ADAMTS2: variants seen among roughly 807,000 people sequenced by gnomAD.
The protein encoded by ADAMTS2 is ADAM metallopeptidase with thrombospondin type 1 motif 2, also known as A disintegrin and metalloproteinase with thrombospondin motifs 2.
ADAMTS2 carries 50 observed loss-of-function variants against 123.0 expected under a neutral mutation model. That is an observed-to-expected ratio of 0.41 (90% CI 0.32 to 0.51). ADAMTS2 has a LOEUF of 0.51. Among genes scored for constraint, ADAMTS2 ranks in the 20% least tolerant of loss-of-function variants. The pLI is 0.35. For missense variants in ADAMTS2, 1,494 were observed against 1,705.2 expected, an observed-to-expected ratio of 0.88 and a Z score of 2.18; for synonymous variants, 678 against 695.4, an observed-to-expected ratio of 0.98 and a Z score of 0.39.
chr5:179,254,447 G>C (rs985124783), intron 3 of ADAMTS2, among the ~76,000 whole-genome samples: 1 of 152,120 alleles, frequency 6.6e-6, no homozygotes, highest in African/African-American at 2.4e-5. Context: ...AAACATTTTG[G>C]AACTAGATGG....
intron 3 of ADAMTS2, among the ~76,000 whole-genome samples, chr5:179,248,741 G>A (rs1487276684): frequency 6.6e-6 from 1 of 151,106 alleles, no homozygotes; most frequent in Non-Finnish European, 1.5e-5. Flanking sequence ...AATCTATGAA[G>A]CAAAAACTGA....
At chr5:179,245,788 A>ACAAAAC (rs1458536449) in intron 3 of ADAMTS2, among the ~76,000 whole-genome samples, 1 of 95,690 alleles carries the variant, frequency 1.0e-5, no homozygotes, top group Non-Finnish European at 2.2e-5. Context: ...AAAAAAAAAA[A>ACAAAAC]AAAAAAACAA....
At chr5:179,250,651 G>A (rs1437184702) in intron 3 of ADAMTS2, among the ~76,000 whole-genome samples, 3 of 152,222 alleles carry the variant, frequency 2.0e-5, no homozygotes, top group Admixed American at 6.5e-5. Context: ...TGTGGGTGAC[G>A]CAGCATTACC....
chr5:179,123,617 C>T (rs933513543), intron 19 of ADAMTS2, among the ~76,000 whole-genome samples: 39 of 152,176 alleles, frequency 2.6e-4, no homozygotes, highest in East Asian at 1.9e-4. Flanking sequence ...TTTGTAAAGA[C>T]GGTGTTTTGC....
intron 5 of ADAMTS2, among the ~76,000 whole-genome samples, chr5:179,172,183 G>A (rs576358713): frequency 1.1e-4 from 17 of 152,314 alleles, no homozygotes; most frequent in African/African-American, 2.2e-4. Flanking sequence ...GAAGTTGCCC[G>A]GTGCCCACCA....
chr5:179,178,190 G>A (rs1165000840), intron 5 of ADAMTS2, among the ~76,000 whole-genome samples: 1 of 152,216 alleles, frequency 6.6e-6, no homozygotes, highest in Non-Finnish European at 1.5e-5. Flanking sequence ...GGAAAGACCC[G>A]GCTTGGGGAA....
intron 3 of ADAMTS2, among the ~76,000 whole-genome samples, chr5:179,222,402 G>T (rs1307282014): frequency 6.6e-6 from 1 of 152,172 alleles, no homozygotes; most frequent in Non-Finnish European, 1.5e-5. Flanking sequence ...CCCAACCGGG[G>T]CAGGTGGCAG....
rs185070 is a variant in ADAMTS2 at position 179,313,746 on chromosome 5, A to G, written c.534+30021T>C. Among the ~76,000 whole-genome samples the G allele has an allele frequency of 1.3e-3, 25 of 19,886 alleles. 1 individual carries two copies. Among genetic ancestry groups the G allele is most frequent in the Non-Finnish European group, 2.3e-3 (16 of 6,862 alleles). The allele number at this position is 19,886 out of a possible 152,430, so 13.0% of individuals were successfully genotyped here. On this transcript the variant is annotated intron_variant, in intron 2 of 21. Coordinates refer to ENST00000251582, the MANE Select transcript of ADAMTS2 (RefSeq NM_014244.5). ...CACCGAGACAGAGGAGGGCCTGGCCAGAGCAGGGGTGTCAGCAGAGGGGAC... is the reference window on the plus strand; with the variant it reads ...CACCGAGACAGAGGAGGGCCTGGCCGGAGCAGGGGTGTCAGCAGAGGGGAC...
chr5:179,263,583 C>G (rs1035131204), intron 3 of ADAMTS2, among the ~76,000 whole-genome samples: 28 of 152,234 alleles, frequency 1.8e-4, no homozygotes, highest in African/African-American at 6.5e-4. Context: ...GAGGCGTGAG[C>G]TGCGCTCCTG....
At chr5:179,126,526 C>T (rs989631121) in intron 17 of ADAMTS2, among the ~76,000 whole-genome samples, 5 of 152,244 alleles carry the variant, frequency 3.3e-5, no homozygotes, top group East Asian at 1.9e-4. Context: ...CCAGAGCAGC[C>T]GTGCTCAACC....
intron 4 of ADAMTS2, among the ~76,000 whole-genome samples, chr5:179,205,456 A>G (rs1405532154): frequency 1.3e-5 from 2 of 152,260 alleles, no homozygotes; most frequent in African/African-American, 2.4e-5. Context: ...CATTTTACAG[A>G]TGAGAAAACT....
chr5:179,302,189 C>T (rs754907415), intron 2 of ADAMTS2, among the ~76,000 whole-genome samples: 77 of 151,830 alleles, frequency 5.1e-4, no homozygotes, highest in Non-Finnish European at 9.1e-4. Flanking sequence ...TGGCCGGGTG[C>T]GGTGGCTCAT....
intron 11 of ADAMTS2, among the ~76,000 whole-genome samples, 179 bp from the exon 12 acceptor site, chr5:179,138,123 A>T (rs988643023): frequency 4.6e-5 from 7 of 151,834 alleles, no homozygotes; most frequent in Non-Finnish European, 1.0e-4. Context: ...GCAGTTGTCC[A>T]GCCTGTCAGG....
At chr5:179,136,149 C>T in intron 12 of ADAMTS2, 107 bp from the exon 13 acceptor site, 1 of 1,542,688 alleles carries the variant, frequency 6.5e-7, no homozygotes, top group South Asian at 1.1e-5. Context: ...CCCCACGTGG[C>T]CCACCCTCCA....
chr5:179,319,517 G>A (rs1043538465), intron 2 of ADAMTS2, among the ~76,000 whole-genome samples: 6 of 151,980 alleles, frequency 3.9e-5, no homozygotes, highest in Admixed American at 1.3e-4. Context: ...CATCACTGAC[G>A]TGCTCACACA....
Position 179,239,717 on chromosome 5 carries a change from G to A in ADAMTS2, c.689-32002C>T, listed in dbSNP as rs1169051756. On this transcript the variant is annotated intron_variant, in intron 3 of 21. Transcript: ENST00000251582. ...ATGAGATCGCCCACAGAGGGGTGCA[G>A]AGGGAGACCAAGGAGCGTCCAGGAC... 2.0e-5 allele frequency among the ~76,000 whole-genome samples: 3 copies of A among 152,176 alleles called. No homozygotes were observed. The East Asian group carries it at 5.8e-4, about 29-fold the overall frequency.
chr5:179,274,141 T>C (rs1766627538), intron 2 of ADAMTS2, among the ~76,000 whole-genome samples: 1 of 146,166 alleles, frequency 6.8e-6, no homozygotes, highest in Middle Eastern at 3.5e-3. Flanking sequence ...TCCCCTGCCA[T>C]ACCCTGCCAT....
intron 2 of ADAMTS2, among the ~76,000 whole-genome samples, chr5:179,339,589 T>C (rs1757710751): frequency 6.6e-6 from 1 of 152,194 alleles, no homozygotes; most frequent in Admixed American, 6.5e-5. Flanking sequence ...TTAGCAGCTG[T>C]GTAGGCTGCT....
chr5:179,127,619 G>T (rs1762882001), intron 17 of ADAMTS2, among the ~76,000 whole-genome samples: 1 of 152,052 alleles, frequency 6.6e-6, no homozygotes, highest in East Asian at 1.9e-4. Context: ...CCAGAGTCTT[G>T]CCTATGCGAT....
Sources: gnomAD v4.1 joint callset for allele counts (sites outside exome capture counted in the v4.1 genomes callset) on GRCh38, gnomAD v4.1.1 for gene constraint, MANE v1.5 for transcripts, NCBI Gene and HGNC (gene_info 2026-07-23, HGNC 2026-07-21) for gene names.